LINGO2: variants seen among roughly 807,000 people sequenced by gnomAD.
LINGO2 encodes leucine-rich repeat and immunoglobulin-like domain-containing nogo receptor-interacting protein 2.
Under a neutral mutation model 30.6 loss-of-function variants are expected in LINGO2, and 14 were observed. The observed-to-expected ratio is 0.46, with a 90% CI of 0.30 to 0.72. LINGO2 has a LOEUF of 0.72. Ranked by LOEUF, LINGO2 falls within the 30% of genes least tolerant of loss-of-function variation. The pLI is 0.07. For missense variants in LINGO2, 729 were observed against 751.7 expected (o/e 0.97, Z 0.35); for synonymous variants, 317 against 288.5 (o/e 1.10, Z -1.00).
the LINGO2 span, among the ~76,000 whole-genome samples, chr9:28,999,645 A>T: frequency 7.2e-5 from 11 of 152,016 alleles, no homozygotes; most frequent in African/African-American, 2.7e-4. Flanking sequence ...TTCCTATTAA[A>T]TCCTGCAAAA....
At chr9:28,839,126 A>G in the LINGO2 span, among the ~76,000 whole-genome samples, 5 of 152,170 alleles carry the variant, frequency 3.3e-5, no homozygotes, top group African/African-American at 7.2e-5. Flanking sequence ...TGGGCTCCCC[A>G]AGGGGCTGCA....
At chr9:28,975,110 C>A in the LINGO2 span, among the ~76,000 whole-genome samples, 2 of 151,954 alleles carry the variant, frequency 1.3e-5, no homozygotes, top group Non-Finnish European at 2.9e-5. Context: ...GAAAAAGTAC[C>A]GAAGAATCAC....
At chr9:28,287,280 C>A (rs771427824) in intron 4 of LINGO2, among the ~76,000 whole-genome samples, 1 of 152,152 alleles carries the variant, frequency 6.6e-6, no homozygotes, top group Non-Finnish European at 1.5e-5. Flanking sequence ...AATAAAATAA[C>A]TGAAGAGAAA....
At chr9:29,124,720 C>G in the LINGO2 span, among the ~76,000 whole-genome samples, 4 of 152,148 alleles carry the variant, frequency 2.6e-5, no homozygotes, top group South Asian at 2.1e-4. Flanking sequence ...GATACCATCT[C>G]ATGCCAGTTA....
At chr9:28,914,764 G>A in the LINGO2 span, among the ~76,000 whole-genome samples, 1 of 152,110 alleles carries the variant, frequency 6.6e-6, no homozygotes, top group Non-Finnish European at 1.5e-5. Context: ...TGTATGACAA[G>A]GGATGGCTGT....
At chr9:29,109,374 A>C in the LINGO2 span, among the ~76,000 whole-genome samples, 1 of 152,102 alleles carries the variant, frequency 6.6e-6, no homozygotes, top group African/African-American at 2.4e-5. Context: ...TTTATAAAAG[A>C]AGAAAAAATG....
rs1285115199 is a variant in LINGO2 at position 28,148,279 on chromosome 9, C to T, written c.-86-135874G>A. On this transcript the variant is annotated intron_variant, in intron 4 of 5. Transcript: ENST00000379992. This position sits in a 1 kb window ranked among gnomAD's most constrained non-coding sequence, Gnocchi z 5.1. Reference sequence around the variant, plus strand: ...GGGTCCTGTCTCCTGTGGTCTGGAGCCCCGCCTCAAGGAAGAAACCCATGC... The same window carrying T: ...GGGTCCTGTCTCCTGTGGTCTGGAGTCCCGCCTCAAGGAAGAAACCCATGC... The T allele has an allele frequency of 2.6e-6, 2 of 782,008 alleles. No individual in the cohort carries two copies. Among genetic ancestry groups the T allele is most frequent in the Admixed American group, 2.1e-5 (1 of 47,536 alleles). 48.4% of individuals were successfully genotyped at this position (782,008 alleles called of 1,614,324 possible).
chr9:28,183,638 T>C (rs1195864705), intron 4 of LINGO2, among the ~76,000 whole-genome samples: 1 of 152,130 alleles, frequency 6.6e-6, no homozygotes, highest in Non-Finnish European at 1.5e-5. Context: ...AGTTATACAA[T>C]GTGACTACAG....
the LINGO2 span, among the ~76,000 whole-genome samples, chr9:28,926,249 G>C: frequency 6.6e-6 from 1 of 152,150 alleles, no homozygotes; most frequent in African/African-American, 2.4e-5. Flanking sequence ...GAGAGGCAGA[G>C]GTTGCAGTGA....
chr9:29,136,091 C>T, the LINGO2 span, among the ~76,000 whole-genome samples: 1 of 152,178 alleles, frequency 6.6e-6, no homozygotes, highest in African/African-American at 2.4e-5. Context: ...ACTCCTTTCC[C>T]CATTCTGGCT....
chr9:29,164,838 T>A, the LINGO2 span, among the ~76,000 whole-genome samples: 1 of 152,138 alleles, frequency 6.6e-6, no homozygotes, highest in Non-Finnish European at 1.5e-5. Flanking sequence ...CTGACACTAA[T>A]AAGTGAATAT....
chr9:28,495,804 A>G (rs947962607), intron 1 of LINGO2, among the ~76,000 whole-genome samples: 9 of 152,146 alleles, frequency 5.9e-5, no homozygotes, highest in African/African-American at 2.2e-4. Context: ...TTAGTGCTAT[A>G]AATTTCCCTC....
chr9:28,158,322 C>T (rs1333314537), intron 4 of LINGO2, among the ~76,000 whole-genome samples: 1 of 151,970 alleles, frequency 6.6e-6, no homozygotes, highest in Non-Finnish European at 1.5e-5. Flanking sequence ...CCCACTGGGT[C>T]CCTCCCACAA....
In LINGO2 at chr9:28,508,487, T is replaced by C. The variant is rs76399407; in HGVS notation, c.-364-32462A>G. 5.0e-4 allele frequency among the ~76,000 whole-genome samples: 76 copies of C among 152,184 alleles called. No homozygotes were observed. In the East Asian group the frequency reaches 0.013, roughly 27 times the overall value. On this transcript the variant is annotated intron_variant, in intron 1 of 5. Coordinates refer to ENST00000379992, the Ensembl canonical transcript of LINGO2. ...ACTTATTTTTCTCACCTTCTCTCTT[T>C]TTTTCCCTTTGTACTCTCATTTTTG...
chr9:28,734,455 G>A, the LINGO2 span, among the ~76,000 whole-genome samples: 3 of 152,158 alleles, frequency 2.0e-5, no homozygotes, highest in Non-Finnish European at 4.4e-5. Context: ...TGAAATTGCA[G>A]AAGGTGAAAC....
intron 2 of LINGO2, among the ~76,000 whole-genome samples, chr9:28,463,215 G>A (rs1825155307): frequency 6.6e-6 from 1 of 151,642 alleles, no homozygotes; most frequent in African/African-American, 2.4e-5. Context: ...GTAACATCAC[G>A]TATTAAAGGA....
the LINGO2 span, among the ~76,000 whole-genome samples, chr9:28,859,254 G>A: frequency 6.6e-6 from 1 of 151,934 alleles, no homozygotes; most frequent in Non-Finnish European, 1.5e-5. Flanking sequence ...ATTATTTGGG[G>A]AACAGGCTGT....
the LINGO2 span, among the ~76,000 whole-genome samples, chr9:29,149,100 A>T: frequency 6.6e-6 from 1 of 152,232 alleles, no homozygotes; most frequent in South Asian, 2.1e-4. Flanking sequence ...ATAGAGTCAC[A>T]AAGCTCCACA....
At chr9:28,149,298 G>C in intron 4 of LINGO2, 1 of 586,126 alleles carries the variant, frequency 1.7e-6, no homozygotes, top group African/African-American at 1.9e-5. Flanking sequence ...GACCTGAGGA[G>C]CATCTCTGCC....
Sources: gnomAD v4.1 joint callset for allele counts (sites outside exome capture counted in the v4.1 genomes callset) on GRCh38, gnomAD v4.1.1 for gene constraint, Gnocchi (gnomAD v3.1) non-coding constraint, MANE v1.5 for transcripts, NCBI Gene and HGNC (gene_info 2026-07-23, HGNC 2026-07-21) for gene names.